ROBO3: variants seen among roughly 807,000 people sequenced by gnomAD.
The protein encoded by ROBO3 is roundabout guidance receptor 3.
A neutral mutation model predicts 160.5 loss-of-function variants in ROBO3; 97 were observed. The observed-to-expected ratio is 0.60, with a 90% CI of 0.51 to 0.72. The LOEUF (loss-of-function observed/expected upper bound fraction) is 0.72, where lower values mean the gene tolerates loss of function less well. Ranked by LOEUF, ROBO3 falls within the 30% of genes least tolerant of loss-of-function variation. The probability of loss-of-function intolerance (pLI) is 0.00; values close to 1 mark genes in which losing one functional copy is unlikely to be tolerated. For synonymous variants in ROBO3, 780 were observed against 746.2 expected (o/e 1.05, Z -0.74); for missense variants, 1,858 against 1,846.5 (o/e 1.01, Z -0.11).
Position 124,870,453 on chromosome 11 carries a change from C to G in ROBO3, c.906-148C>G, listed in dbSNP as rs60893540. Reference sequence around the variant, plus strand: ...TGGCCCCAGTCCTATCCAGTCCCCACCTCCATTGATGGGTCCATGGGTAAC... The same window carrying G: ...TGGCCCCAGTCCTATCCAGTCCCCAGCTCCATTGATGGGTCCATGGGTAAC... On this transcript the variant is annotated intron_variant, in intron 5 of 27. Coordinates refer to ENST00000397801, the MANE Select transcript of ROBO3 (RefSeq NM_022370.4). The G allele has an allele frequency of 2.7e-5, 39 of 1,454,934 alleles. No individual in the cohort carries two copies. The East Asian group carries it at 8.9e-4, about 33-fold the overall frequency. 90.1% of individuals were successfully genotyped at this position (1,454,934 alleles called of 1,614,324 possible). A position where few individuals can be genotyped will look rare whatever the true frequency, so the allele number is the denominator to read the frequency against.
At position 124,872,956 on chromosome 11, in the gene ROBO3, T is replaced by C; in HGVS notation, c.1403T>C (p.Val468Ala). Residue 468 changes from valine to alanine, a missense_variant, in exon 9 of 28, where the codon GTG becomes GCG. Transcript: ENST00000397801. This position sits in a 1 kb window ranked among gnomAD's most constrained non-coding sequence, Gnocchi z 4.3. ...ANQTLVLGSS[V>A]WLPCRVTGNP... ...CAGACGCTGGTGCTTGGCTCCTCCG[T>C]GTGGCTGCCCTGCAGAGTGACTGGG... The C allele has an allele frequency of 6.2e-7, 1 of 1,613,224 alleles. No individual in the cohort carries two copies. Among genetic ancestry groups the C allele is most frequent in the South Asian group, 1.1e-5 (1 of 91,046 alleles).
Position 124,872,210 on chromosome 11 carries a change from T to C in ROBO3, c.1159-171T>C, listed in dbSNP as rs1219480568. 6.6e-6 allele frequency among the ~76,000 whole-genome samples: 1 copy of C among 152,232 alleles called. No homozygotes were observed. The highest frequency in any genetic ancestry group is 1.5e-5 in the Non-Finnish European group (1 of 68,036). On this transcript the variant is annotated intron_variant, in intron 7 of 27. Coordinates refer to ENST00000397801, the MANE Select transcript of ROBO3 (RefSeq NM_022370.4). The surrounding 1 kb of genome is among the most constrained non-coding windows in gnomAD (Gnocchi z 4.3). ...GAAATTGTCTAATAAAATTCCCTGA[T>C]GTTTTTGTGAATACATTTAACTACT...
chr11:124,871,597 C>A (rs1946280773), intron 7 of ROBO3, among the ~76,000 whole-genome samples: 1 of 152,210 alleles, frequency 6.6e-6, no homozygotes. Flanking sequence ...AGCTCACAGT[C>A]ATCCCTTTTG....
At position 124,865,758 on chromosome 11, in the gene ROBO3, G is replaced by T; in HGVS notation, c.160+21G>T. ...CAACGGTGAGACCCTGCCTCTTGGGGATATGGGATCCTGGGATGGGGATGA... is the reference window on the plus strand; with the variant it reads ...CAACGGTGAGACCCTGCCTCTTGGGTATATGGGATCCTGGGATGGGGATGA... On this transcript the variant is annotated intron_variant, in intron 1 of 27. Transcript: ENST00000397801. This position sits in a 1 kb window ranked among gnomAD's most constrained non-coding sequence, Gnocchi z 5.5. 5 of 1,591,016 alleles carry T rather than the reference G, an allele frequency of 3.1e-6. No homozygotes were observed. The highest frequency in any genetic ancestry group is 3.4e-6 in the Non-Finnish European group (4 of 1,169,204).
chr11:124,871,205 A>T, intron 7 of ROBO3, 67 bp downstream of exon 7: 3 of 1,523,770 alleles, frequency 2.0e-6, no homozygotes, highest in Non-Finnish European at 2.7e-6. Context: ...CTCCCTCTAC[A>T]TTCTGCAAAC....
Position 124,873,767 on chromosome 11 carries a change from G to C in ROBO3, c.1689G>C (p.Val563=), listed in dbSNP as rs1259844373. The C allele has an allele frequency of 6.2e-7, 1 of 1,613,662 alleles. No individual in the cohort carries two copies. Among genetic ancestry groups the C allele is most frequent in the East Asian group, 2.2e-5 (1 of 44,900 alleles). The change falls in exon 11 of 28, where the codon GTG becomes GTC. Residue 563 remains valine (V), a synonymous_variant. Coordinates refer to ENST00000397801, the MANE Select transcript of ROBO3 (RefSeq NM_022370.4). This position sits in a 1 kb window ranked among gnomAD's most constrained non-coding sequence, Gnocchi z 4.5. The part of the protein sequence containing the change: ...SSPPGAPSQP[V]VTEITKNSIT... ...CTCCGGGGGCTCCCTCTCAGCCAGTGGTCACTGAGATCACCAAGAACAGCA... is the reference window on the plus strand; with the variant it reads ...CTCCGGGGGCTCCCTCTCAGCCAGTCGTCACTGAGATCACCAAGAACAGCA...
rs780160213 is a variant in ROBO3, at chr11:124,876,226, G to C, written c.2594-49G>C. On this transcript the variant is annotated intron_variant, in intron 16 of 27. Transcript: ENST00000397801. This position sits in a 1 kb window ranked among gnomAD's most constrained non-coding sequence, Gnocchi z 5.3. ...CCGGGTCGGGAATGACCCTTTCCCA[G>C]TTCCAGGGTTTCGGGCCCCTCCTCC... 6.1e-5 allele frequency: 91 copies of C among 1,498,238 alleles called. No individual in the cohort carries two copies. The highest frequency in any genetic ancestry group is 7.4e-5 in the Non-Finnish European group (84 of 1,132,440). 92.8% of individuals were successfully genotyped at this position (1,498,238 alleles called of 1,614,324 possible).
chr11:124,869,042 C>T lies in ROBO3; in HGVS notation c.401C>T (p.Ala134Val). 1 of 1,602,460 alleles carries T rather than the reference C, an allele frequency of 6.2e-7. No individual in the cohort carries two copies. Among genetic ancestry groups the T allele is most frequent in the Non-Finnish European group, 8.5e-7 (1 of 1,175,082 alleles). ...CCGCGCATCGTGCACGGGCGCCGCG[C>T]GCGGCCGGACGAAGGTGTCTACACT... ...FFPRIVHGRR[A>V]RPDEGVYTCV... The change falls in exon 2 of 28, where the codon GCG (alanine) becomes GTG (valine). Residue 134 changes from alanine (A) to valine (V), a missense_variant. Coordinates refer to ENST00000397801, the MANE Select transcript of ROBO3 (RefSeq NM_022370.4). This position sits in a 1 kb window ranked among gnomAD's most constrained non-coding sequence, Gnocchi z 4.2.
At position 124,868,384 on chromosome 11, in the gene ROBO3, G is replaced by GC. The variant is rs1236624899; in HGVS notation, c.161-418_161-417insC. The GC allele has an allele frequency of 1.4e-3, 623 of 453,716 alleles. 3 individuals are homozygous for GC. Among genetic ancestry groups the GC allele is most frequent in the South Asian group, 2.7e-3 (100 of 36,436 alleles). The allele number at this position is 453,716 out of a possible 1,614,324, so 28.1% of individuals were successfully genotyped here. A position where few individuals can be genotyped will look rare whatever the true frequency, so the allele number is the denominator to read the frequency against. ...CTGTTGGCTCCAGTGCACGGTTTAT[G>GC]GTCTTTCACTGAGCAAGGACGATCC... On this transcript the variant is annotated intron_variant, in intron 1 of 27. Transcript: ENST00000397801.
chr11:124,867,934 C>T (rs1946223024), intron 1 of ROBO3, among the ~76,000 whole-genome samples: 1 of 152,068 alleles, frequency 6.6e-6, no homozygotes, highest in Admixed American at 6.5e-5. Flanking sequence ...CTGAGAGTGC[C>T]GGAGTATAAC....
chr11:124,873,198 C>A lies in ROBO3; in HGVS notation c.1536+109C>A, dbSNP rs551960262. ...GTAGCCCCATCTTTACCCCTCTGTT[C>A]TCTCAGAGCACCTAGTATCCAACAT... On this transcript the variant is annotated intron_variant, in intron 9 of 27. Transcript: ENST00000397801. This position sits in a 1 kb window ranked among gnomAD's most constrained non-coding sequence, Gnocchi z 4.5. 2.6e-5 allele frequency: 37 copies of A among 1,397,460 alleles called. No individual in the cohort carries two copies. The African/African-American group carries it at 4.4e-4, about 17-fold the overall frequency. The allele number at this position is 1,397,460 out of a possible 1,614,324, so 86.6% of individuals were successfully genotyped here.
intron 1 of ROBO3, 181 bp from the exon 2 acceptor site, chr11:124,868,621 G>A (rs1373824311): frequency 6.9e-6 from 5 of 725,030 alleles, no homozygotes. Flanking sequence ...CGAGGAACGC[G>A]GAACGTCTGC....
intron 1 of ROBO3, among the ~76,000 whole-genome samples, chr11:124,866,384 G>A (rs1050549195): frequency 3.3e-5 from 5 of 152,200 alleles, no homozygotes; most frequent in Non-Finnish European, 5.9e-5. Flanking sequence ...CTGGGACAGC[G>A]CGCTCTCCCC....
Position 124,878,292 on chromosome 11 carries a change from C to T in ROBO3, c.3182-6C>T, listed in dbSNP as rs1591519609. ...TCTCCGGGTGTCCCCATCCTATTCTCCTCAGGAGCCAAGGGAGGCAAAGTG... is the reference window on the plus strand; with the variant it reads ...TCTCCGGGTGTCCCCATCCTATTCTTCTCAGGAGCCAAGGGAGGCAAAGTG... On this transcript the variant is annotated splice_polypyrimidine_tract_variant and splice_region_variant and intron_variant, in intron 21 of 27. Transcript: ENST00000397801. This position sits in a 1 kb window ranked among gnomAD's most constrained non-coding sequence, Gnocchi z 4.3. 6.8e-7 allele frequency: 1 copy of T among 1,462,994 alleles called. No homozygotes were observed. The highest frequency in any genetic ancestry group is 9.4e-7 in the Non-Finnish European group (1 of 1,066,938). 90.6% of individuals were successfully genotyped at this position (1,462,994 alleles called of 1,614,324 possible). A position where few individuals can be genotyped will look rare whatever the true frequency, so the allele number is the denominator to read the frequency against.
In ROBO3 at chr11:124,874,235, G is replaced by A; in HGVS notation, c.1950G>A (p.Gln650=). 1 of 1,611,578 alleles carries A rather than the reference G, an allele frequency of 6.2e-7. No homozygotes were observed. Among genetic ancestry groups the A allele is most frequent in the Non-Finnish European group, 8.5e-7 (1 of 1,178,250 alleles). ...PSPVSEPVRT[Q]DSSPSRPVED... is the part of the protein sequence containing the mutation. ...CCGTCTCTGAGCCTGTCCGTACACA[G>A]GGTAAGGTCAGAGTCCCTGGGCTCA... The change falls in exon 12 of 28, where the codon CAG becomes CAA. Residue 650 remains glutamine, a splice_region_variant and synonymous_variant. Coordinates refer to ENST00000397801, the MANE Select transcript of ROBO3 (RefSeq NM_022370.4).
intron 1 of ROBO3, among the ~76,000 whole-genome samples, chr11:124,866,276 C>A (rs566883701): frequency 6.6e-6 from 1 of 152,316 alleles, no homozygotes; most frequent in South Asian, 2.1e-4. Context: ...TGTCTTTCAG[C>A]GGCGGGACTC....
In ROBO3 at chr11:124,880,555, AGTCG is replaced by A. The variant is rs774197334; in HGVS notation, c.4098_4101del (p.Ser1366ArgfsTer52). 34 of 800,674 alleles carry A rather than the reference AGTCG, an allele frequency of 4.2e-5. No individual in the cohort carries two copies. The African/African-American group carries it at 2.0e-3, about 48-fold the overall frequency. The allele number at this position is 800,674 out of a possible 1,614,324, so 49.6% of individuals were successfully genotyped here. On this transcript the variant is annotated frameshift_variant, in exon 27 of 28. Transcript: ENST00000397801. LOFTEE classifies it high-confidence loss of function. ...CTCCCGGGGCCCTGGCCGGAGCCGG[AGTCG>A]GAGTCAGAGCCGGAGCCAGAGCCAA...
At chr11:124,874,727 A>G (rs1946327421) in intron 12 of ROBO3, 61 bp from the exon 13 acceptor site, 4 of 1,540,334 alleles carry the variant, frequency 2.6e-6, no homozygotes, top group Non-Finnish European at 3.5e-6. Flanking sequence ...ACACGAGCAC[A>G]CTCTCAGCCC....
chr11:124,873,475 C>T lies in ROBO3; in HGVS notation c.1618+84C>T, dbSNP rs1946306267. The T allele has an allele frequency of 1.1e-5, 14 of 1,233,430 alleles. No individual in the cohort carries two copies. Among genetic ancestry groups the T allele is most frequent in the Non-Finnish European group, 1.4e-5 (12 of 858,006 alleles). The allele number at this position is 1,233,430 out of a possible 1,614,324, so 76.4% of individuals were successfully genotyped here. A position where few individuals can be genotyped will look rare whatever the true frequency, so the allele number is the denominator to read the frequency against. Reference sequence around the variant, plus strand: ...AGGTAGTCGATACCTCCTCAAACTCCGGGATTAACTTTATGTCACAAATGC... The same window carrying T: ...AGGTAGTCGATACCTCCTCAAACTCTGGGATTAACTTTATGTCACAAATGC... On this transcript the variant is annotated intron_variant, in intron 10 of 27. Transcript: ENST00000397801. The surrounding 1 kb of genome is among the most constrained non-coding windows in gnomAD (Gnocchi z 4.5).
Sources: allele counts gnomAD v4.1 joint callset (sites outside exome capture counted in the v4.1 genomes callset), GRCh38; gene constraint gnomAD v4.1.1; non-coding constraint Gnocchi (gnomAD v3.1); transcripts MANE v1.5; gene names NCBI Gene and HGNC (gene_info 2026-07-23, HGNC 2026-07-21).